Variants in OPCML observed in about 807,000 individuals in gnomAD.
OPCML encodes opioid-binding protein/cell adhesion molecule.
In OPCML, 13 loss-of-function variants were observed where a neutral mutation model predicts 37.8. The ratio of observed to expected loss-of-function variants is 0.34; its 90% confidence interval spans 0.22 to 0.55. OPCML has a LOEUF of 0.55. Ranked by LOEUF, OPCML falls within the 20% of genes least tolerant of loss-of-function variation. OPCML has a pLI of 0.91. For synonymous variants in OPCML, 176 were observed against 168.8 expected (o/e 1.04, Z -0.33); for missense variants, 341 against 435.6 (o/e 0.78, Z 1.93).
At chr11:133,358,841 T>C (rs1439842607) in intron 1 of OPCML, among the ~76,000 whole-genome samples, 2 of 151,812 alleles carry the variant, frequency 1.3e-5, no homozygotes, top group African/African-American at 4.8e-5. Flanking sequence ...CTGGAGGTGT[T>C]CCCCCCACCC....
At chr11:133,090,255 T>G (rs562536862) in intron 1 of OPCML, among the ~76,000 whole-genome samples, 6 of 152,168 alleles carry the variant, frequency 3.9e-5, no homozygotes, top group African/African-American at 1.4e-4. Flanking sequence ...TCTGTTATAT[T>G]TGGGGTGCTG....
At chr11:132,764,640 T>C (rs1946376229) in intron 2 of OPCML, among the ~76,000 whole-genome samples, 1 of 152,150 alleles carries the variant, frequency 6.6e-6, no homozygotes, top group Admixed American at 6.5e-5. Flanking sequence ...ATTCAGGAGA[T>C]AGAAGTATTT....
At chr11:132,885,468 C>T (rs1345796192) in intron 2 of OPCML, among the ~76,000 whole-genome samples, 1 of 152,128 alleles carries the variant, frequency 6.6e-6, no homozygotes, top group Non-Finnish European at 1.5e-5. Context: ...ATAATATCAC[C>T]TACTTCACAT....
intron 2 of OPCML, among the ~76,000 whole-genome samples, chr11:132,722,654 G>A (rs1419827130): frequency 6.6e-6 from 1 of 152,026 alleles, no homozygotes; most frequent in African/African-American, 2.4e-5. Flanking sequence ...GGTTTTTATG[G>A]TAGCTATCTA....
At chr11:132,729,668 G>A (rs1221491474) in intron 2 of OPCML, among the ~76,000 whole-genome samples, 2 of 152,198 alleles carry the variant, frequency 1.3e-5, no homozygotes, top group Non-Finnish European at 2.9e-5. Context: ...AGAAAAGGCT[G>A]GTGTTAACGC....
chr11:133,100,495 A>AC (rs1949070123), intron 1 of OPCML, among the ~76,000 whole-genome samples: 1 of 152,190 alleles, frequency 6.6e-6, no homozygotes, highest in Non-Finnish European at 1.5e-5. Flanking sequence ...AGGAAAACAA[A>AC]CCAGAATAGT....
chr11:132,729,430 T>A (rs1172228344), intron 2 of OPCML, among the ~76,000 whole-genome samples: 1 of 152,074 alleles, frequency 6.6e-6, no homozygotes, highest in Non-Finnish European at 1.5e-5. Flanking sequence ...TGGACAAAGG[T>A]TAAACGGGCT....
intron 1 of OPCML, chr11:133,362,143 C>A (rs1206475646): frequency 6.6e-6 from 1 of 152,214 alleles, no homozygotes; most frequent in African/African-American, 2.4e-5. Context: ...TCACAGGTAC[C>A]TTCCTGATAC....
intron 2 of OPCML, among the ~76,000 whole-genome samples, chr11:132,665,904 T>C (rs1942196089): frequency 6.6e-6 from 1 of 152,190 alleles, no homozygotes; most frequent in Non-Finnish European, 1.5e-5. Flanking sequence ...AGGCACCCTA[T>C]CACATTCATG....
chr11:132,882,609 A>C (rs1038756131), intron 2 of OPCML, among the ~76,000 whole-genome samples: 1 of 152,160 alleles, frequency 6.6e-6, no homozygotes. Context: ...AGCACTCTCT[A>C]TGTGTTAGCA....
intron 1 of OPCML, among the ~76,000 whole-genome samples, chr11:133,221,406 G>C (rs148874306): frequency 1.3e-5 from 2 of 152,330 alleles, no homozygotes; most frequent in Non-Finnish European, 2.9e-5. Flanking sequence ...CGCTTGGTCT[G>C]AGACTCAGTT....
chr11:132,870,455 T>G (rs1402887631), intron 2 of OPCML, among the ~76,000 whole-genome samples: 4 of 152,060 alleles, frequency 2.6e-5, no homozygotes, highest in Non-Finnish European at 5.9e-5. Flanking sequence ...ATGACAGTTC[T>G]TCAAAAAATT....
chr11:133,111,856 AC>A (rs1476851715), intron 1 of OPCML, among the ~76,000 whole-genome samples: 1 of 152,108 alleles, frequency 6.6e-6, no homozygotes, highest in African/African-American at 2.4e-5. Context: ...TTTGATTGAC[AC>A]CTGTTAATAA....
At chr11:132,496,235 G>A (rs2096230824) in intron 4 of OPCML, among the ~76,000 whole-genome samples, 1 of 152,186 alleles carries the variant, frequency 6.6e-6, no homozygotes, top group African/African-American at 2.4e-5. Flanking sequence ...ATAAACGGAT[G>A]GATGTGAAAG....
chr11:132,496,062 G>T (rs993751923), intron 4 of OPCML, among the ~76,000 whole-genome samples: 1 of 152,120 alleles, frequency 6.6e-6, no homozygotes, highest in Non-Finnish European at 1.5e-5. Flanking sequence ...GGACAGTGTT[G>T]GGCAGGTCTT....
At chr11:133,168,254 G>A (rs1264246317) in intron 1 of OPCML, among the ~76,000 whole-genome samples, 1 of 152,202 alleles carries the variant, frequency 6.6e-6, no homozygotes, top group Non-Finnish European at 1.5e-5. Context: ...CCAGGGATGT[G>A]CTTTCCTCCT....
At chr11:133,086,701 G>C (rs1948824016) in intron 1 of OPCML, among the ~76,000 whole-genome samples, 2 of 152,088 alleles carry the variant, frequency 1.3e-5, no homozygotes, top group South Asian at 4.1e-4. Flanking sequence ...GCTCATATTG[G>C]AACTGAAAGT....
chr11:132,526,210 C>T (rs905259268), intron 4 of OPCML, among the ~76,000 whole-genome samples: 1 of 152,080 alleles, frequency 6.6e-6, no homozygotes, highest in East Asian at 1.9e-4. Context: ...AAATGATTTC[C>T]AAGCTTAGAG....
intron 2 of OPCML, among the ~76,000 whole-genome samples, chr11:132,856,426 G>A (rs753372849): frequency 6.6e-5 from 10 of 152,076 alleles, no homozygotes; most frequent in South Asian, 2.1e-4. Flanking sequence ...GAGGCCCCCC[G>A]CTCCAGGAAT....
Sources: gnomAD v4.1 joint callset for allele counts (sites outside exome capture counted in the v4.1 genomes callset) on GRCh38, gnomAD v4.1.1 for gene constraint, MANE v1.5 for transcripts, NCBI Gene and HGNC (gene_info 2026-07-23, HGNC 2026-07-21) for gene names.